Variants in SFI1 observed in about 807,000 individuals in gnomAD.
SFI1 encodes the protein protein SFI1 homolog.
In SFI1, 195 loss-of-function variants were observed where a neutral mutation model predicts 207.5. That is an observed-to-expected ratio of 0.94 (90% CI 0.84 to 1.06). The LOEUF (loss-of-function observed/expected upper bound fraction) is 1.06, where lower values mean the gene tolerates loss of function less well. SFI1 is among the 50% of genes least tolerant of loss of function. The pLI is 0.00. For synonymous variants in SFI1, 630 were observed against 598.9 expected, an observed-to-expected ratio of 1.05 and a Z score of -0.76; for missense variants, 1,634 against 1,588.0, an observed-to-expected ratio of 1.03 and a Z score of -0.49.
At position 31,594,186 on chromosome 22, in the gene SFI1, C is replaced by A. The variant is rs2066687446; in HGVS notation, c.1544+4609C>A. 2.0e-5 allele frequency among the ~76,000 whole-genome samples: 3 copies of A among 152,256 alleles called. No homozygotes were observed. The South Asian group carries it at 6.2e-4, about 32-fold the overall frequency. On this transcript the variant is annotated intron_variant, in intron 15 of 32. Coordinates refer to ENST00000400288, the MANE Select transcript of SFI1 (RefSeq NM_001007467.3). The stretch of plus-strand genomic sequence containing the variant: ...GCAGACATTCTTAAGTGTCATTTCC[C>A]CGAAACACTTAGTTCCTGTTCTGCT...
At chr22:31,524,546 C>T (rs901444151) in intron 2 of SFI1, among the ~76,000 whole-genome samples, 1 of 151,812 alleles carries the variant, frequency 6.6e-6, no homozygotes, top group Non-Finnish European at 1.5e-5. Context: ...GATCAGCCTC[C>T]GGAGTAGCTG....
rs1188461158 is a variant in SFI1, at chr22:31,618,265, C to A, written c.3624+39C>A. On this transcript the variant is annotated intron_variant, in intron 32 of 32. Transcript: ENST00000400288. ...CCATCCCCAGGTGTCCCTGGGGACG[C>A]CCCGGGCTGTGCTCCCTCTCAGCCC... The A allele has an allele frequency of 3.7e-6, 6 of 1,600,670 alleles. No individual in the cohort carries two copies. The African/African-American group carries it at 8.0e-5, about 21-fold the overall frequency.
At chr22:31,524,452 T>C (rs1043234114) in intron 2 of SFI1, among the ~76,000 whole-genome samples, 78 of 152,090 alleles carry the variant, frequency 5.1e-4, no homozygotes, top group African/African-American at 1.9e-3. Context: ...AGACAGGGTC[T>C]CACTCTGTCA....
chr22:31,593,561 A>G (rs1186485589), intron 15 of SFI1, among the ~76,000 whole-genome samples: 2 of 109,714 alleles, frequency 1.8e-5, no homozygotes, highest in East Asian at 2.8e-4. Context: ...ATGGGCGGCC[A>G]GGCAGAGACA....
At chr22:31,503,175 A>G (rs1250659488) in intron 1 of SFI1, among the ~76,000 whole-genome samples, 3 of 151,840 alleles carry the variant, frequency 2.0e-5, no homozygotes, top group South Asian at 4.2e-4. Flanking sequence ...CTGCTTTTTC[A>G]TTGATGGAGA....
intron 17 of SFI1, 54 bp from the exon 18 acceptor site, chr22:31,603,690 G>C: frequency 7.0e-7 from 1 of 1,421,526 alleles, no homozygotes; most frequent in East Asian, 2.7e-5. Context: ...AACCCATAGA[G>C]GGTGCCCTCA....
chr22:31,542,050 G>A (rs1200028843), intron 4 of SFI1, among the ~76,000 whole-genome samples: 2 of 145,390 alleles, frequency 1.4e-5, no homozygotes, highest in African/African-American at 5.1e-5. Context: ...GCAGTGAGCC[G>A]AGATCACACC....
intron 29 of SFI1, 99 bp downstream of exon 29, chr22:31,615,378 T>G: frequency 8.6e-7 from 1 of 1,167,316 alleles, no homozygotes; most frequent in Non-Finnish European, 1.1e-6. Context: ...CTGGAAAACC[T>G]TGGCACAGGG....
chr22:31,591,675 G>C (rs867952536), intron 15 of SFI1, among the ~76,000 whole-genome samples: 6 of 91,612 alleles, frequency 6.5e-5, no homozygotes, highest in Non-Finnish European at 1.1e-4. Context: ...CTCCCGGACG[G>C]GGCGGCTGGC....
rs576860464 is a variant in SFI1, at chr22:31,513,959, C to A, written c.92+5583C>A. On this transcript the variant is annotated intron_variant, in intron 2 of 32. Coordinates refer to ENST00000400288, the MANE Select transcript of SFI1 (RefSeq NM_001007467.3). Reference sequence around the variant, plus strand: ...GACCAGCCTGGCTGACATGGCAAGACCCTGTCTCTGCTAAAAATACAAAAA... The same window carrying A: ...GACCAGCCTGGCTGACATGGCAAGAACCTGTCTCTGCTAAAAATACAAAAA... 1.3e-4 allele frequency among the ~76,000 whole-genome samples: 19 copies of A among 151,700 alleles called. No homozygotes were observed. In the East Asian group the frequency reaches 3.8e-3, roughly 30 times the overall value.
At chr22:31,604,515 C>A in intron 19 of SFI1, 111 bp downstream of exon 19, 2 of 992,724 alleles carry the variant, frequency 2.0e-6, no homozygotes, top group Non-Finnish European at 2.9e-6. Flanking sequence ...AGTCACGTGA[C>A]ACACCTCAAA....
intron 15 of SFI1, among the ~76,000 whole-genome samples, chr22:31,590,979 A>ATTTATTTAT (rs1285119931): frequency 7.5e-4 from 106 of 142,200 alleles, no homozygotes; most frequent in African/African-American, 2.8e-3. Context: ...TTATTTATTT[A>ATTTATTTAT]TTTTTTTATT....
intron 6 of SFI1, among the ~76,000 whole-genome samples, chr22:31,553,836 A>ATGTTTT (rs2060876198): frequency 4.6e-5 from 1 of 21,972 alleles, no homozygotes; most frequent in Non-Finnish European, 1.0e-4. Context: ...TTAATGGATT[A>ATGTTTT]TGTTTTTTTT....
In SFI1 at chr22:31,593,373, G is replaced by A. The variant is rs1271854597; in HGVS notation, c.1544+3796G>A. Among the ~76,000 whole-genome samples the A allele has an allele frequency of 1.1e-4, 15 of 139,776 alleles. No individual in the cohort carries two copies. The East Asian group carries it at 3.3e-3, about 31-fold the overall frequency. The allele number at this position is 139,776 out of a possible 152,430, so 91.7% of individuals were successfully genotyped here. A position where few individuals can be genotyped will look rare whatever the true frequency, so the allele number is the denominator to read the frequency against. ...ATCCCAGATGGGACGGCGGGGCAGAGGCGCTCCCCACATCTCAGACGATGG... is the reference window on the plus strand; with the variant it reads ...ATCCCAGATGGGACGGCGGGGCAGAAGCGCTCCCCACATCTCAGACGATGG... On this transcript the variant is annotated intron_variant, in intron 15 of 32. Transcript: ENST00000400288.
At chr22:31,576,026 TC>T (rs2063444252) in intron 10 of SFI1, among the ~76,000 whole-genome samples, 2 of 151,606 alleles carry the variant, frequency 1.3e-5, no homozygotes, top group South Asian at 4.2e-4. Context: ...GTGTACATAT[TC>T]TTTTTTTTTT....
At chr22:31,540,788 G>A (rs1701399921) in intron 4 of SFI1, among the ~76,000 whole-genome samples, 1 of 150,866 alleles carries the variant, frequency 6.6e-6, no homozygotes, top group African/African-American at 2.4e-5. Context: ...CGCCATGTTG[G>A]CCAGGCCGGT....
intron 2 of SFI1, among the ~76,000 whole-genome samples, chr22:31,523,045 C>T (rs139684682): frequency 1.2e-4 from 19 of 152,244 alleles, no homozygotes; most frequent in African/African-American, 4.6e-4. Flanking sequence ...GGGTTGTTTC[C>T]ACCTTTTGGC....
At chr22:31,512,355 C>CAAA (rs1215817231) in intron 2 of SFI1, among the ~76,000 whole-genome samples, 1 of 97,552 alleles carries the variant, frequency 1.0e-5, no homozygotes, top group African/African-American at 3.7e-5. Flanking sequence ...AACTCCATCT[C>CAAA]AAAAAAAAAA....
chr22:31,564,877 G>A (rs951374518), intron 8 of SFI1, among the ~76,000 whole-genome samples: 5 of 135,068 alleles, frequency 3.7e-5, no homozygotes, highest in South Asian at 2.4e-4. Flanking sequence ...GCAGTATCGC[G>A]ATGTTGGCTC....
Sources: allele counts gnomAD v4.1 joint callset (sites outside exome capture counted in the v4.1 genomes callset), GRCh38; gene constraint gnomAD v4.1.1; transcripts MANE v1.5; gene names NCBI Gene and HGNC (gene_info 2026-07-23, HGNC 2026-07-21).